ATCAY: variants seen among roughly 807,000 people sequenced by gnomAD.
ATCAY encodes the protein ATCAY kinesin light chain interacting caytaxin, also known as caytaxin.
In ATCAY, 22 loss-of-function variants were observed where a neutral mutation model predicts 47.7. That is an observed-to-expected ratio of 0.46 (90% CI 0.33 to 0.66). The LOEUF (loss-of-function observed/expected upper bound fraction) is 0.66, where lower values mean the gene tolerates loss of function less well. ATCAY is among the 30% of genes least tolerant of loss of function. ATCAY has a pLI of 0.02. For missense variants in ATCAY, 452 were observed against 515.0 expected (o/e 0.88, Z 1.18); for synonymous variants, 216 against 207.6 (o/e 1.04, Z -0.35).
At chr19:3,891,871 T>C (rs1166699710) in intron 2 of ATCAY, among the ~76,000 whole-genome samples, 1 of 151,996 alleles carries the variant, frequency 6.6e-6, no homozygotes, top group East Asian at 1.9e-4. Context: ...TTTGTTTGTT[T>C]TGGGTTTTCT....
At chr19:3,903,568 G>A (rs184511566) in intron 3 of ATCAY, among the ~76,000 whole-genome samples, 27 of 151,576 alleles carry the variant, frequency 1.8e-4, no homozygotes, top group Middle Eastern at 3.4e-3. Context: ...GTATCGCCCA[G>A]GCTGGAGTGC....
intron 4 of ATCAY, among the ~76,000 whole-genome samples, chr19:3,906,476 T>C (rs538281724): frequency 1.3e-4 from 20 of 151,938 alleles, no homozygotes; most frequent in Admixed American, 4.6e-4. Context: ...CTGATGTTTA[T>C]ATTTTTAGTA....
intron 3 of ATCAY, among the ~76,000 whole-genome samples, chr19:3,903,249 C>T (rs1204636361): frequency 2.6e-5 from 4 of 151,966 alleles, no homozygotes; most frequent in African/African-American, 4.8e-5. Context: ...GCTGGGATTA[C>T]GGGCGTGAGC....
At chr19:3,885,108 TTA>T (rs1491388949) in intron 1 of ATCAY, among the ~76,000 whole-genome samples, 14 of 85,230 alleles carry the variant, frequency 1.6e-4, no homozygotes, top group African/African-American at 5.2e-4. Context: ...GTTTTTTTTT[TTA>T]AAAAAAAAAA....
chr19:3,924,724 C>T lies in ATCAY; in HGVS notation c.*132C>T, dbSNP rs1478560550. ...AATCTTCCAAGGGTGCCAGCCCCTCCGTTCATCTCTGAAACCCAGCATCCT... is the reference window on the plus strand; with the variant it reads ...AATCTTCCAAGGGTGCCAGCCCCTCTGTTCATCTCTGAAACCCAGCATCCT... On this transcript the variant is annotated 3_prime_UTR_variant, in exon 13 of 13. Coordinates refer to ENST00000450849, the MANE Select transcript of ATCAY (RefSeq NM_033064.5). 1.3e-5 allele frequency: 12 copies of T among 905,624 alleles called. No individual in the cohort carries two copies. Among genetic ancestry groups the T allele is most frequent in the Admixed American group, 2.6e-5 (1 of 37,762 alleles). The allele number at this position is 905,624 out of a possible 1,614,324, so 56.1% of individuals were successfully genotyped here.
chr19:3,893,733 T>G (rs1454493276), intron 2 of ATCAY: 1 of 152,300 alleles, frequency 6.6e-6, no homozygotes, highest in Non-Finnish European at 1.5e-5. Context: ...CCTGGAGCCC[T>G]GCCAGGTCGG....
intron 8 of ATCAY, among the ~76,000 whole-genome samples, chr19:3,911,915 G>A (rs2038925487): frequency 1.3e-5 from 2 of 152,296 alleles, no homozygotes; most frequent in South Asian, 4.1e-4. Flanking sequence ...TAAGTACCCT[G>A]AAGGGGCTTA....
In ATCAY at chr19:3,885,113, A is replaced by ATT. The variant is rs1568442482; in HGVS notation, c.-41-614_-41-613insTT. ...GCAAGATCATGTTTTTTTTTTTAAA[A>ATT]AAAAAAAAAAAAAAAAAAAAAACAG... On this transcript the variant is annotated intron_variant, in intron 1 of 12. Coordinates refer to ENST00000450849, the MANE Select transcript of ATCAY (RefSeq NM_033064.5). Among the ~76,000 whole-genome samples the ATT allele has an allele frequency of 7.6e-5, 11 of 145,028 alleles. No individual in the cohort carries two copies. The East Asian group carries it at 8.5e-4, about 11-fold the overall frequency.
chr19:3,920,722 C>CA, intron 11 of ATCAY, 44 bp from the exon 12 acceptor site: 1 of 1,528,844 alleles, frequency 6.5e-7, no homozygotes, highest in African/African-American at 1.4e-5. Flanking sequence ...CCCAGGCTCC[C>CA]AAAAATAAGC....
chr19:3,888,108 C>T (rs1024844993), intron 2 of ATCAY, among the ~76,000 whole-genome samples: 3 of 117,702 alleles, frequency 2.5e-5, no homozygotes, highest in African/African-American at 3.9e-5. Flanking sequence ...TGTGAGACTC[C>T]GTCTCAAAAA....
At chr19:3,888,417 G>C (rs1367840728) in intron 2 of ATCAY, among the ~76,000 whole-genome samples, 1 of 151,852 alleles carries the variant, frequency 6.6e-6, no homozygotes, top group African/African-American at 2.4e-5. Flanking sequence ...ATCACTTGAG[G>C]TCAGGAGTTC....
At chr19:3,881,310 CT>C (rs1420403091) in intron 1 of ATCAY, among the ~76,000 whole-genome samples, 2 of 149,614 alleles carry the variant, frequency 1.3e-5, no homozygotes, top group Non-Finnish European at 2.9e-5. Flanking sequence ...CTCTGGGACG[CT>C]GAAATAGACC....
chr19:3,917,618 G>GAAAAAAAAAA, intron 9 of ATCAY, 124 bp from the exon 10 acceptor site: 1 of 403,034 alleles, frequency 2.5e-6, no homozygotes, highest in Non-Finnish European at 4.4e-6. Context: ...AAAGGAAGAA[G>GAAAAAAAAAA]AAGAAGAAGA....
chr19:3,918,661 A>G, intron 10 of ATCAY, 145 bp from the exon 11 acceptor site: 1 of 754,260 alleles, frequency 1.3e-6, no homozygotes, highest in Non-Finnish European at 2.1e-6. Context: ...AGTTTTCTCA[A>G]ATAGCAAAGG....
At chr19:3,883,795 T>A (rs1295426817) in intron 1 of ATCAY, among the ~76,000 whole-genome samples, 1 of 152,194 alleles carries the variant, frequency 6.6e-6, no homozygotes, top group Non-Finnish European at 1.5e-5. Flanking sequence ...CCAAAAGGTA[T>A]CTTAGAGGTC....
At chr19:3,921,250 C>T (rs1299491923) in intron 12 of ATCAY, among the ~76,000 whole-genome samples, 1 of 152,098 alleles carries the variant, frequency 6.6e-6, no homozygotes, top group African/African-American at 2.4e-5. Flanking sequence ...GCGTCTCACG[C>T]CTGTAATCCC....
rs765916204 is a variant in ATCAY at position 3,907,707 on chromosome 19, A to G, written c.359-27A>G. 3.1e-5 allele frequency: 50 copies of G among 1,613,000 alleles called. No homozygotes were observed. Among genetic ancestry groups the G allele is most frequent in the Non-Finnish European group, 3.8e-5 (45 of 1,179,658 alleles). On this transcript the variant is annotated intron_variant, in intron 4 of 12. Coordinates refer to ENST00000450849, the MANE Select transcript of ATCAY (RefSeq NM_033064.5). This position sits in a 1 kb window ranked among gnomAD's most constrained non-coding sequence, Gnocchi z 5.1. ...AGGAGATATCCGGACTCTGGCGTCC[A>G]TGCGACTCTCCGCCACCTGCTTCTA...
At chr19:3,903,578 C>T (rs2145241022) in intron 3 of ATCAY, among the ~76,000 whole-genome samples, 1 of 151,698 alleles carries the variant, frequency 6.6e-6, no homozygotes, top group East Asian at 2.0e-4. Context: ...GGCTGGAGTG[C>T]AGTAGCGTGA....
Position 3,924,716 on chromosome 19 carries a change from A to G in ATCAY, c.*124A>G. The G allele has an allele frequency of 9.7e-7, 1 of 1,026,564 alleles. No homozygotes were observed. Among genetic ancestry groups the G allele is most frequent in the Non-Finnish European group, 1.5e-6 (1 of 687,124 alleles). 63.6% of individuals were successfully genotyped at this position (1,026,564 alleles called of 1,614,324 possible). Reference sequence around the variant, plus strand: ...TGAGTCCCAATCTTCCAAGGGTGCCAGCCCCTCCGTTCATCTCTGAAACCC... The same window carrying G: ...TGAGTCCCAATCTTCCAAGGGTGCCGGCCCCTCCGTTCATCTCTGAAACCC... On this transcript the variant is annotated 3_prime_UTR_variant, in exon 13 of 13. Transcript: ENST00000450849.
Sources: allele counts gnomAD v4.1 joint callset (sites outside exome capture counted in the v4.1 genomes callset), GRCh38; gene constraint gnomAD v4.1.1; non-coding constraint Gnocchi (gnomAD v3.1); transcripts MANE v1.5; gene names NCBI Gene and HGNC (gene_info 2026-07-23, HGNC 2026-07-21).